Variants in MCOLN1 observed in about 807,000 individuals in gnomAD.
The protein encoded by MCOLN1 is mucolipin TRP cation channel 1.
Under a neutral mutation model 70.3 loss-of-function variants are expected in MCOLN1, and 50 were observed. The observed-to-expected ratio is 0.71, with a 90% confidence interval of 0.57 to 0.90. MCOLN1 has a LOEUF of 0.90. Among genes scored for constraint, MCOLN1 ranks in the 40% least tolerant of loss-of-function variants. The pLI, the probability that MCOLN1 is intolerant of heterozygous loss-of-function variation, is 0.00. For missense variants in MCOLN1, 598 were observed against 803.5 expected, an observed-to-expected ratio of 0.74 and a Z score of 3.09; for synonymous variants, 366 against 341.0, an observed-to-expected ratio of 1.07 and a Z score of -0.81.
intron 10 of MCOLN1, 89 bp from the exon 11 acceptor site, chr19:7,529,501 G>GGGCCCCCCCCCC: frequency 1.3e-6 from 1 of 747,248 alleles, no homozygotes; most frequent in Admixed American, 2.0e-5. Flanking sequence ...CCTCGGCAAG[G>GGGCCCCCCCCCC]CCCCGCCCCT....
At position 7,529,041 on chromosome 19, in the gene MCOLN1, C is replaced by T. The variant is rs2022615323; in HGVS notation, c.1135-60C>T. ...CAGTGCCTATCCGGGGCCATATCCT[C>T]CCCCAGGCCCCCCAAAGGAAGGGCT... is the stretch of plus-strand genomic sequence containing the variant. On this transcript the variant is annotated intron_variant, in intron 9 of 13. Coordinates refer to ENST00000264079, the MANE Select transcript of MCOLN1 (RefSeq NM_020533.3). 4.3e-6 allele frequency: 7 copies of T among 1,612,742 alleles called. No homozygotes were observed. The South Asian group carries it at 5.5e-5, about 13-fold the overall frequency.
At chr19:7,530,242 T>C (rs770703517) in intron 11 of MCOLN1, 44 bp from the exon 12 acceptor site, 1 of 1,554,954 alleles carries the variant, frequency 6.4e-7, no homozygotes, top group South Asian at 1.1e-5. Flanking sequence ...CCCCGGTTCC[T>C]GGCCATGCCT....
At position 7,524,292 on chromosome 19, in the gene MCOLN1, A is replaced by T. The variant is rs1400573429; in HGVS notation, c.32-669A>T. Among the ~76,000 whole-genome samples the T allele has an allele frequency of 6.6e-6, 1 of 152,194 alleles. No homozygotes were observed. Among genetic ancestry groups the T allele is most frequent in the African/African-American group, 2.4e-5 (1 of 41,458 alleles). On this transcript the variant is annotated intron_variant, in intron 1 of 13. Coordinates refer to ENST00000264079, the MANE Select transcript of MCOLN1 (RefSeq NM_020533.3). This position sits in a 1 kb window ranked among gnomAD's most constrained non-coding sequence, Gnocchi z 4.1. ...TTCTAGGAGCTGGTGCTTTTCAGGG[A>T]GATAAAATGAGTCTTTAGCGAATGT...
At position 7,533,626 on chromosome 19, in the gene MCOLN1, C is replaced by T; in HGVS notation, c.1679C>T (p.Ala560Val). 6.2e-7 allele frequency: 1 copy of T among 1,612,416 alleles called. No homozygotes were observed. Among genetic ancestry groups the T allele is most frequent in the Non-Finnish European group, 8.5e-7 (1 of 1,179,718 alleles). ...AAGTTCCGCCGCGGGAGCGGCTCGG[C>T]CTGCAGCCTTCTCTGCTGCTGCGGA... is the stretch of plus-strand genomic sequence containing the variant. ...SGKFRRGSGS[A>V]CSLLCCCGRD... The change falls in exon 13 of 14, where the codon GCC (alanine) becomes GTC (valine). Residue 560 changes from alanine to valine, a missense_variant. Coordinates refer to ENST00000264079, the MANE Select transcript of MCOLN1 (RefSeq NM_020533.3).
At chr19:7,529,505 C>CCCCCCCCCCCCCCCCCCCACGGGG in intron 10 of MCOLN1, 85 bp from the exon 11 acceptor site, 1 of 755,744 alleles carries the variant, frequency 1.3e-6, no homozygotes, top group Non-Finnish European at 2.3e-6. Context: ...GGCAAGGCCC[C>CCCCCCCCCCCCCCCCCCCACGGGG]GCCCCTCCCA....
Position 7,524,957 on chromosome 19 carries a change from A to G in MCOLN1, c.32-4A>G. 6.2e-7 allele frequency: 1 copy of G among 1,613,288 alleles called. No homozygotes were observed. Among genetic ancestry groups the G allele is most frequent in the Non-Finnish European group, 8.5e-7 (1 of 1,179,796 alleles). ...CACCCCAGTGCCCTCTCCTATTCCC[A>G]CAGAGACCGAGCGGCTTCTGACCCC... is the stretch of plus-strand genomic sequence containing the variant. On this transcript the variant is annotated splice_region_variant and splice_polypyrimidine_tract_variant and intron_variant, in intron 1 of 13. Coordinates refer to ENST00000264079, the MANE Select transcript of MCOLN1 (RefSeq NM_020533.3). The surrounding 1 kb of genome is among the most constrained non-coding windows in gnomAD (Gnocchi z 4.1).
At chr19:7,527,113 CACAA>C (rs1437017333) in intron 4 of MCOLN1, 187 bp downstream of exon 4, 4 of 731,076 alleles carry the variant, frequency 5.5e-6, no homozygotes, top group Non-Finnish European at 9.4e-6. Flanking sequence ...TGTCTCTACG[CACAA>C]ACAAATTAGC....
chr19:7,529,510 C>CCCCCCCCCCCCCCCAGGGGGG, intron 10 of MCOLN1, 80 bp from the exon 11 acceptor site: 2 of 912,886 alleles, frequency 2.2e-6, no homozygotes, highest in Non-Finnish European at 3.4e-6. Flanking sequence ...GGCCCCGCCC[C>CCCCCCCCCCCCCCCAGGGGGG]TCCCACCCCC....
At position 7,530,637 on chromosome 19, in the gene MCOLN1, A is replaced by T. The variant is rs543770812; in HGVS notation, c.1575+136A>T. 4 of 908,146 alleles carry T rather than the reference A, an allele frequency of 4.4e-6. No individual in the cohort carries two copies. The South Asian group carries it at 5.4e-5, about 12-fold the overall frequency. 56.3% of individuals were successfully genotyped at this position (908,146 alleles called of 1,614,324 possible). A position where few individuals can be genotyped will look rare whatever the true frequency, so the allele number is the denominator to read the frequency against. ...TGGGAGACTCTATGAAACCAAAAAG[A>T]GGGTGGTTCAGAACTGGGGGGCGCA... On this transcript the variant is annotated intron_variant, in intron 12 of 13. Coordinates refer to ENST00000264079, the MANE Select transcript of MCOLN1 (RefSeq NM_020533.3).
Position 7,525,351 on chromosome 19 carries a change from G to A in MCOLN1, c.237+185G>A, listed in dbSNP as rs535314919. Reference sequence around the variant, plus strand: ...TACTAAAAATACAAAAAAATTAGCCGTGCGTGGTGGCGGGTGCCTGTAATC... The same window carrying A: ...TACTAAAAATACAAAAAAATTAGCCATGCGTGGTGGCGGGTGCCTGTAATC... On this transcript the variant is annotated intron_variant, in intron 2 of 13. Transcript: ENST00000264079. The surrounding 1 kb of genome is among the most constrained non-coding windows in gnomAD (Gnocchi z 4.2). 80 of 604,686 alleles carry A rather than the reference G, an allele frequency of 1.3e-4. No homozygotes were observed. Among genetic ancestry groups the A allele is most frequent in the Non-Finnish European group, 1.9e-4 (62 of 333,424 alleles). 37.5% of individuals were successfully genotyped at this position (604,686 alleles called of 1,614,324 possible).
rs759088052 is a variant in MCOLN1 at position 7,526,190 on chromosome 19, T to C, written c.238-249T>C. The C allele has an allele frequency of 3.9e-5, 23 of 582,372 alleles. No individual in the cohort carries two copies. The highest frequency in any genetic ancestry group is 4.4e-4 in the Middle Eastern group (1 of 2,290). The allele number at this position is 582,372 out of a possible 1,614,324, so 36.1% of individuals were successfully genotyped here. On this transcript the variant is annotated intron_variant, in intron 2 of 13. Transcript: ENST00000264079. This position sits in a 1 kb window ranked among gnomAD's most constrained non-coding sequence, Gnocchi z 4.6. ...CAGTGAGATAGATGAGTCCCCACCC[T>C]GTGTTGTACGGGGGAGGACACAGTG...
At chr19:7,532,477 G>T (rs3760674) in intron 12 of MCOLN1, among the ~76,000 whole-genome samples, 3 of 151,910 alleles carry the variant, frequency 2.0e-5, no homozygotes, top group Non-Finnish European at 2.9e-5. Context: ...GGAGGCCGAG[G>T]GGGGGTGGGG....
At chr19:7,529,515 A>AAGGGGGGCCC in intron 10 of MCOLN1, 75 bp from the exon 11 acceptor site, 2 of 407,486 alleles carry the variant, frequency 4.9e-6, no homozygotes, top group Non-Finnish European at 7.9e-6. Flanking sequence ...CGCCCCTCCC[A>AAGGGGGGCCC]CCCCCATCTG....
intron 4 of MCOLN1, among the ~76,000 whole-genome samples, 189 bp from the exon 5 acceptor site, chr19:7,527,331 T>C (rs1391509600): frequency 6.8e-6 from 1 of 147,048 alleles, no homozygotes; most frequent in Non-Finnish European, 1.5e-5. Flanking sequence ...TCTTGCCACG[T>C]AGAAAGCACC....
rs1233113109 is a variant in MCOLN1, at chr19:7,524,880, G to A, written c.32-81G>A. The A allele has an allele frequency of 1.1e-5, 13 of 1,136,416 alleles. No individual in the cohort carries two copies. Among genetic ancestry groups the A allele is most frequent in the Middle Eastern group, 5.5e-4 (2 of 3,648 alleles). 70.4% of individuals were successfully genotyped at this position (1,136,416 alleles called of 1,614,324 possible). A position where few individuals can be genotyped will look rare whatever the true frequency, so the allele number is the denominator to read the frequency against. On this transcript the variant is annotated intron_variant, in intron 1 of 13. Transcript: ENST00000264079. The surrounding 1 kb of genome is among the most constrained non-coding windows in gnomAD (Gnocchi z 4.1). ...GAGCATGGGGACATGAAGATAGGGC[G>A]TGTGCTGCCTTCCTGGTTGGAGAAA...
rs983723784 is a variant in MCOLN1 at position 7,522,646 on chromosome 19, G to T, written c.-105G>T. ...GGCACAGATCAGCTGATGCCGGAGG[G>T]TTTGAAGCCGCGCCGCGAGGGAGCG... is the stretch of plus-strand genomic sequence containing the variant. On this transcript the variant is annotated 5_prime_UTR_variant, in exon 1 of 14. Coordinates refer to ENST00000264079, the MANE Select transcript of MCOLN1 (RefSeq NM_020533.3). 44 of 1,259,072 alleles carry T rather than the reference G, an allele frequency of 3.5e-5. No homozygotes were observed. The Middle Eastern group carries it at 8.1e-4, about 23-fold the overall frequency. 78.0% of individuals were successfully genotyped at this position (1,259,072 alleles called of 1,614,324 possible).
At position 7,526,290 on chromosome 19, in the gene MCOLN1, C is replaced by A; in HGVS notation, c.238-149C>A. On this transcript the variant is annotated intron_variant, in intron 2 of 13. Transcript: ENST00000264079. The surrounding 1 kb of genome is among the most constrained non-coding windows in gnomAD (Gnocchi z 4.6). ...AGCAAAGAAATGCACAAGTGAAATC[C>A]GTGTTTGTGGCCCAAGTTAGCAGGG... 1.1e-6 allele frequency: 1 copy of A among 873,788 alleles called. No individual in the cohort carries two copies. The highest frequency in any genetic ancestry group is 1.9e-6 in the Non-Finnish European group (1 of 523,872). 54.1% of individuals were successfully genotyped at this position (873,788 alleles called of 1,614,324 possible).
In MCOLN1 at chr19:7,530,509, G is replaced by C. The variant is rs372482475; in HGVS notation, c.1575+8G>C. 5.0e-6 allele frequency: 8 copies of C among 1,606,744 alleles called. No homozygotes were observed. Among genetic ancestry groups the C allele is most frequent in the Non-Finnish European group, 6.8e-6 (8 of 1,179,480 alleles). On this transcript the variant is annotated splice_region_variant and intron_variant, in intron 12 of 13. Transcript: ENST00000264079. ...GCCTACGACACCATCAAGGTCAGCCGCATGCACCCAGCCCTGAGCTCGGGC... is the reference window on the plus strand; with the variant it reads ...GCCTACGACACCATCAAGGTCAGCCCCATGCACCCAGCCCTGAGCTCGGGC...
chr19:7,531,052 T>C (rs767227178), intron 12 of MCOLN1, among the ~76,000 whole-genome samples: 2 of 152,146 alleles, frequency 1.3e-5, no homozygotes, highest in Non-Finnish European at 2.9e-5. Context: ...TTTTATTTTA[T>C]TATTAAAGTA....
Sources: gnomAD v4.1 joint callset for allele counts (sites outside exome capture counted in the v4.1 genomes callset) on GRCh38, gnomAD v4.1.1 for gene constraint, Gnocchi (gnomAD v3.1) non-coding constraint, MANE v1.5 for transcripts, NCBI Gene and HGNC (gene_info 2026-07-23, HGNC 2026-07-21) for gene names.